HMGB3: variants seen among roughly 807,000 people sequenced by gnomAD.
HMGB3 encodes high mobility group protein B3.
Under a neutral mutation model 12.9 loss-of-function variants are expected in HMGB3, and 1 was observed. The ratio of observed to expected loss-of-function variants is 0.08; its 90% CI spans 0.03 to 0.37. The LOEUF is 0.37. Among genes scored for constraint, HMGB3 ranks in the 10% least tolerant of loss-of-function variants. The pLI, the probability that HMGB3 is intolerant of heterozygous loss-of-function variation, is 0.99. For synonymous variants in HMGB3, 61 were observed against 53.9 expected (o/e 1.13, Z -0.57); for missense variants, 74 against 153.3 (o/e 0.48, Z 2.73).
chrX:150,985,944 C>T (rs2048047816), intron 2 of HMGB3, 107 bp from the exon 3 acceptor site: 1 of 924,953 alleles, frequency 1.1e-6, no homozygotes, highest in Non-Finnish European at 1.5e-6. Flanking sequence ...AGGCCTTTAC[C>T]TACCCCCTTT....
chrX:150,982,978 G>A (rs1557425118), upstream of HMGB3, among the ~76,000 whole-genome samples: 1 of 113,166 alleles, frequency 8.8e-6, no homozygotes, highest in African/African-American at 3.2e-5. Flanking sequence ...GCAGCGCAGC[G>A]GGGCTGGACT....
At chrX:150,987,524 GAAA>G (rs1228532524) in intron 4 of HMGB3, among the ~76,000 whole-genome samples, 45 of 109,293 alleles carry the variant, frequency 4.1e-4, no homozygotes, top group African/African-American at 1.4e-3. Flanking sequence ...ACTCTTTAAG[GAAA>G]AAAAAATGTT....
At position 150,989,146 on chromosome X, in the gene HMGB3, A is replaced by G. The variant is rs1000038319; in HGVS notation, c.*1232A>G. On this transcript the variant is annotated 3_prime_UTR_variant, in exon 5 of 5. Transcript: ENST00000325307. ...CAATTTCAGAGTGTATGGTGTGTCA[A>G]AAATTAAGGCCTTATTGTTTTTCTC... The G allele has an allele frequency of 1.8e-5, 2 of 111,479 alleles. No individual in the cohort carries two copies. The highest frequency in any genetic ancestry group is 3.9e-4 in the South Asian group (1 of 2,597). 9.2% of individuals were successfully genotyped at this position (111,479 alleles called of 1,213,427 possible). A position where few individuals can be genotyped will look rare whatever the true frequency, so the allele number is the denominator to read the frequency against.
In HMGB3 at chrX:150,984,598, C is replaced by T. The variant is rs1469951899; in HGVS notation, c.-5-997C>T. The T allele has an allele frequency of 5.4e-6, 4 of 744,431 alleles. No homozygotes were observed. The African/African-American group carries it at 7.0e-5, about 13-fold the overall frequency. 61.3% of individuals were successfully genotyped at this position (744,431 alleles called of 1,213,427 possible). A position where few individuals can be genotyped will look rare whatever the true frequency, so the allele number is the denominator to read the frequency against. On this transcript the variant is annotated intron_variant, in intron 1 of 4. Transcript: ENST00000325307. ...GGCGGATTTCAGGGGCACTTTCTTT[C>T]ATCAGGAGGCTTTTGACAAAATGGA...
chrX:150,982,801 G>A (rs1225554053), upstream of HMGB3, among the ~76,000 whole-genome samples: 1 of 113,152 alleles, frequency 8.8e-6, no homozygotes, highest in East Asian at 2.8e-4. Flanking sequence ...CCTCCGCCAG[G>A]CATCGAGGAG....
chrX:150,989,451 G>T lies in HMGB3; in HGVS notation c.*1537G>T, dbSNP rs1240127290. ...TGTATCATGAAAAGTTGAATGGCCT[G>T]CTCATAAGTTTAGCTCATTCACTGG... On this transcript the variant is annotated 3_prime_UTR_variant, in exon 5 of 5. Transcript: ENST00000325307. 2 of 111,929 alleles carry T rather than the reference G, an allele frequency of 1.8e-5. No homozygotes were observed. The highest frequency in any genetic ancestry group is 6.5e-5 in the African/African-American group (2 of 30,749). The allele number at this position is 111,929 out of a possible 1,213,427, so 9.2% of individuals were successfully genotyped here.
rs1557425221 is a variant in HMGB3 at position 150,985,812 on chromosome X, C to T, written c.150+63C>T. On this transcript the variant is annotated intron_variant, in intron 2 of 4. Coordinates refer to ENST00000325307, the MANE Select transcript of HMGB3 (RefSeq NM_005342.4). The stretch of plus-strand genomic sequence containing the variant: ...GGGTTTCTTACTTTGGGGTTACTTA[C>T]CTTCAGATTTTCTCCCAGATAGCTG... 5 of 1,011,266 alleles carry T rather than the reference C, an allele frequency of 4.9e-6. No individual in the cohort carries two copies. In the African/African-American group the frequency reaches 7.6e-5, roughly 15 times the overall value. The allele number at this position is 1,011,266 out of a possible 1,213,427, so 83.3% of individuals were successfully genotyped here.
intron 2 of HMGB3, 44 bp from the exon 3 acceptor site, chrX:150,986,007 G>A: frequency 1.7e-6 from 2 of 1,180,368 alleles, no homozygotes; most frequent in Non-Finnish European, 2.3e-6. Flanking sequence ...GAATAGGTAT[G>A]TGTTCACTGC....
At chrX:150,986,879 T>G (rs1201324585) in intron 3 of HMGB3, among the ~76,000 whole-genome samples, 1 of 111,631 alleles carries the variant, frequency 9.0e-6, no homozygotes, top group African/African-American at 3.3e-5. Context: ...ACTCCCAACC[T>G]CAGGTGATCC....
At chrX:150,983,528 A>T in intron 1 of HMGB3, 152 bp downstream of exon 1, 2 of 728,660 alleles carry the variant, frequency 2.7e-6, no homozygotes, top group African/African-American at 2.4e-5. Flanking sequence ...TCTACTCCCC[A>T]TTCCCTTCCC....
chrX:150,984,658 G>A (rs1471773618), intron 1 of HMGB3: 19 of 599,683 alleles, frequency 3.2e-5, no homozygotes, highest in Non-Finnish European at 3.6e-5. Context: ...ACCCGGCACG[G>A]GGGCCGAGGC....
chrX:150,986,809 A>G (rs2048058273), intron 3 of HMGB3, among the ~76,000 whole-genome samples: 1 of 110,348 alleles, frequency 9.1e-6, no homozygotes, highest in African/African-American at 3.3e-5. Flanking sequence ...ATGCCCGGCT[A>G]ATTTTTTTTA....
upstream of HMGB3, among the ~76,000 whole-genome samples, chrX:150,980,929 C>T (rs782302476): frequency 4.0e-4 from 45 of 112,862 alleles, no homozygotes; most frequent in Admixed American, 9.3e-4. Flanking sequence ...CCAACTGTGC[C>T]GTGTCACTTG....
At chrX:150,987,449 T>G (rs2048064735) in intron 4 of HMGB3, 147 bp downstream of exon 4, 1 of 482,872 alleles carries the variant, frequency 2.1e-6, no homozygotes, top group Non-Finnish European at 3.3e-6. Flanking sequence ...CGGGTGCTGG[T>G]GTTCATGCTT....
intron 1 of HMGB3, among the ~76,000 whole-genome samples, chrX:150,985,252 C>A (rs1263550904): frequency 8.9e-6 from 1 of 112,021 alleles, no homozygotes; most frequent in Non-Finnish European, 1.9e-5. Flanking sequence ...CCTCTCTCTA[C>A]CCTTCCCACT....
Position 150,988,998 on chromosome X carries a change from A to G in HMGB3, c.*1084A>G, listed in dbSNP as rs1459307212. Reference sequence around the variant, plus strand: ...TCTGGAGGAGTTAGGAGAACGACATAGGCAAGGTTCAGCAGCCTTCCAAGG... The same window carrying G: ...TCTGGAGGAGTTAGGAGAACGACATGGGCAAGGTTCAGCAGCCTTCCAAGG... On this transcript the variant is annotated 3_prime_UTR_variant, in exon 5 of 5. Transcript: ENST00000325307. 2 of 111,533 alleles carry G rather than the reference A, an allele frequency of 1.8e-5. No individual in the cohort carries two copies. Among genetic ancestry groups the G allele is most frequent in the African/African-American group, 3.3e-5 (1 of 30,659 alleles). 9.2% of individuals were successfully genotyped at this position (111,533 alleles called of 1,213,427 possible).
intron 1 of HMGB3, among the ~76,000 whole-genome samples, chrX:150,984,317 C>A (rs1557425176): frequency 1.3e-5 from 1 of 77,448 alleles, no homozygotes; most frequent in Non-Finnish European, 2.6e-5. Flanking sequence ...AGCCCCCGGG[C>A]GGCCCGGGCG....
intron 1 of HMGB3, chrX:150,984,513 C>T (rs1414304725): frequency 5.2e-5 from 16 of 308,684 alleles, no homozygotes; most frequent in African/African-American, 1.7e-4. Context: ...CGGCCGCACA[C>T]CCCCCGCGCA....
chrX:150,982,596 T>G (rs150110242), upstream of HMGB3, among the ~76,000 whole-genome samples: 1,230 of 112,813 alleles, frequency 0.011, 24 homozygotes, highest in African/African-American at 0.036. Context: ...TCTCACAAAT[T>G]CTCTGCTCTT....
Sources: allele counts gnomAD v4.1 joint callset (sites outside exome capture counted in the v4.1 genomes callset), GRCh38; gene constraint gnomAD v4.1.1; transcripts MANE v1.5; gene names NCBI Gene and HGNC (gene_info 2026-07-23, HGNC 2026-07-21).